The following PIGU variants were observed in gnomAD, a reference collection of about 807,000 sequenced individuals.
PIGU encodes GPI-anchor transamidase component PIGU.
Under a neutral mutation model 49.9 loss-of-function variants are expected in PIGU, and 24 were observed. That is an observed-to-expected ratio of 0.48 (90% CI 0.35 to 0.68). The LOEUF is 0.68. Among genes scored for constraint, PIGU ranks in the 30% least tolerant of loss-of-function variants. The pLI is 0.01. For missense variants in PIGU, 490 were observed against 532.6 expected (o/e 0.92, Z 0.79); for synonymous variants, 220 against 205.7 (o/e 1.07, Z -0.59).
At position 34,588,626 on chromosome 20, in the gene PIGU, GAT is replaced by G. The variant is rs761474056; in HGVS notation, c.628-21_628-20del. 5 of 1,606,468 alleles carry G rather than the reference GAT, an allele frequency of 3.1e-6. No homozygotes were observed. In the South Asian group the frequency reaches 5.6e-5, roughly 18 times the overall value. On this transcript the variant is annotated intron_variant, in intron 7 of 11. Coordinates refer to ENST00000217446, the MANE Select transcript of PIGU (RefSeq NM_080476.5). ...ACTGCCGCTGGAGAGAAGGCAAAGT[GAT>G]ATAAACTTAGGGATGTAAACAACAG...
Position 34,677,043 on chromosome 20 carries a change from C to T in PIGU, c.43G>A (p.Val15Met). 6.3e-7 allele frequency: 1 copy of T among 1,575,912 alleles called. No individual in the cohort carries two copies. Reference sequence around the variant, plus strand: ...CTGGAGCGGAACAAGGCCGCCCGCACTGTCACAGCCACCACCAGCACCAGG... The same window carrying T: ...CTGGAGCGGAACAAGGCCGCCCGCATTGTCACAGCCACCACCAGCACCAGG... ...LVLVLVVAVTVRAALFRSSLA... is the reference protein window; with the variant it reads ...LVLVLVVAVTMRAALFRSSLA... Residue 15 changes from valine to methionine, a missense_variant, in exon 1 of 12, where the codon GTG becomes ATG. Physicochemically the swap from Val to Met is conservative, Grantham distance 21 (BLOSUM62 1). Coordinates refer to ENST00000217446, the MANE Select transcript of PIGU (RefSeq NM_080476.5).
chr20:34,634,800 T>C lies in PIGU; in HGVS notation c.429-85A>G, dbSNP rs904685782. On this transcript the variant is annotated intron_variant, in intron 5 of 11. Transcript: ENST00000217446. ...CAGCAAGGAAGTTCCAAGAGATTTA[T>C]TAAAAGCTTACGCAAAGGAAGGCAG... 2.2e-5 allele frequency: 34 copies of C among 1,532,580 alleles called. No homozygotes were observed. The African/African-American group carries it at 4.6e-4, about 21-fold the overall frequency. The allele number at this position is 1,532,580 out of a possible 1,614,324, so 94.9% of individuals were successfully genotyped here.
At chr20:34,581,897 G>A (rs181465588) in intron 9 of PIGU, among the ~76,000 whole-genome samples, 1 of 152,320 alleles carries the variant, frequency 6.6e-6, no homozygotes, top group East Asian at 1.9e-4. Flanking sequence ...AAACACTAGG[G>A]AAACAGCCCA....
chr20:34,597,260 T>C (rs1446147649), intron 7 of PIGU, among the ~76,000 whole-genome samples: 3 of 152,058 alleles, frequency 2.0e-5, no homozygotes, highest in Admixed American at 1.3e-4. Flanking sequence ...AATAGGAGAA[T>C]GGGTAAACAA....
Position 34,638,123 on chromosome 20 carries a change from A to C in PIGU, c.319-138T>G, listed in dbSNP as rs1326486144. The C allele has an allele frequency of 2.2e-6, 3 of 1,356,300 alleles. No individual in the cohort carries two copies. In the Admixed American group the frequency reaches 1.1e-4, roughly 49 times the overall value. The allele number at this position is 1,356,300 out of a possible 1,614,324, so 84.0% of individuals were successfully genotyped here. A position where few individuals can be genotyped will look rare whatever the true frequency, so the allele number is the denominator to read the frequency against. On this transcript the variant is annotated intron_variant, in intron 4 of 11. Coordinates refer to ENST00000217446, the MANE Select transcript of PIGU (RefSeq NM_080476.5). ...GGCCCTACCTCTCCAGGCTCATCTC[A>C]CACTCGGCCCTCCCCATCCCCTTTC...
chr20:34,675,986 A>G (rs1987485400), intron 1 of PIGU, among the ~76,000 whole-genome samples: 1 of 151,082 alleles, frequency 6.6e-6, no homozygotes, highest in Non-Finnish European at 1.5e-5. Context: ...TGAACTCTAC[A>G]CTTACTTAAT....
At chr20:34,572,202 T>A (rs1280207854) in intron 11 of PIGU, among the ~76,000 whole-genome samples, 2 of 151,958 alleles carry the variant, frequency 1.3e-5, no homozygotes, top group African/African-American at 4.8e-5. Context: ...ATTACTTTTT[T>A]ATTTACTAAT....
intron 1 of PIGU, among the ~76,000 whole-genome samples, chr20:34,663,376 C>T (rs1986987231): frequency 6.6e-6 from 1 of 151,952 alleles, no homozygotes; most frequent in Non-Finnish European, 1.5e-5. Flanking sequence ...ACTTGGGAGG[C>T]TGAAGTGGGA....
chr20:34,575,065 T>C, intron 11 of PIGU, 39 bp downstream of exon 11: 1 of 1,608,372 alleles, frequency 6.2e-7, no homozygotes, highest in Non-Finnish European at 8.5e-7. Flanking sequence ...GCAAAATGAA[T>C]TCCTGTCCCC....
intron 11 of PIGU, among the ~76,000 whole-genome samples, chr20:34,564,303 G>C (rs2146688631): frequency 6.6e-6 from 1 of 152,304 alleles, no homozygotes; most frequent in Non-Finnish European, 1.5e-5. Context: ...GGGGCTTACA[G>C]GAACTCTGTT....
intron 2 of PIGU, among the ~76,000 whole-genome samples, chr20:34,649,831 G>A (rs542138196): frequency 2.5e-4 from 37 of 149,460 alleles, no homozygotes; most frequent in Non-Finnish European, 4.2e-4. Flanking sequence ...CACTGTGCCC[G>A]GTCCATCTAT....
chr20:34,579,679 G>A (rs1600595088), intron 10 of PIGU, among the ~76,000 whole-genome samples: 2 of 152,280 alleles, frequency 1.3e-5, no homozygotes, highest in East Asian at 1.9e-4. Context: ...AGGATCTTCA[G>A]ACAACCTGAA....
chr20:34,635,148 A>G (rs1451296039), intron 5 of PIGU, among the ~76,000 whole-genome samples: 2 of 152,250 alleles, frequency 1.3e-5, no homozygotes, highest in African/African-American at 4.8e-5. Flanking sequence ...CAGATTTCAA[A>G]AAATGATAAA....
intron 2 of PIGU, among the ~76,000 whole-genome samples, chr20:34,654,978 C>T (rs1986661356): frequency 9.9e-6 from 1 of 100,888 alleles, no homozygotes; most frequent in Admixed American, 1.5e-4. Context: ...GCACTCCATC[C>T]TGGGCGACAG....
intron 6 of PIGU, among the ~76,000 whole-genome samples, chr20:34,618,380 G>T (rs976232285): frequency 1.3e-5 from 2 of 152,140 alleles, no homozygotes; most frequent in Admixed American, 1.3e-4. Context: ...AAATCAGTAG[G>T]ATGCAACTGA....
intron 11 of PIGU, among the ~76,000 whole-genome samples, chr20:34,565,058 G>C (rs1444280481): frequency 2.6e-5 from 4 of 152,216 alleles, no homozygotes; most frequent in Non-Finnish European, 4.4e-5. Flanking sequence ...GAGGCCCTAG[G>C]GTGCAGCCAA....
chr20:34,592,553 A>G (rs547438184), intron 7 of PIGU, among the ~76,000 whole-genome samples: 33 of 152,240 alleles, frequency 2.2e-4, no homozygotes, highest in African/African-American at 7.9e-4. Context: ...AATGTATTTT[A>G]AAAAAGGTGA....
chr20:34,651,064 C>T (rs1318765221), intron 2 of PIGU, among the ~76,000 whole-genome samples: 1 of 152,106 alleles, frequency 6.6e-6, no homozygotes, highest in Non-Finnish European at 1.5e-5. Flanking sequence ...TGACAAACTA[C>T]AGCAGCTTGG....
At chr20:34,569,477 C>T (rs1312034350) in intron 11 of PIGU, among the ~76,000 whole-genome samples, 5 of 152,094 alleles carry the variant, frequency 3.3e-5, no homozygotes, top group African/African-American at 7.2e-5. Flanking sequence ...GCGATCTGCC[C>T]GCCTCAGCCT....
Sources: gnomAD v4.1 joint callset for allele counts (sites outside exome capture counted in the v4.1 genomes callset) on GRCh38, gnomAD v4.1.1 for gene constraint, MANE v1.5 for transcripts, NCBI Gene and HGNC (gene_info 2026-07-23, HGNC 2026-07-21) for gene names.